Variants in GKAP1 observed in about 807,000 individuals in gnomAD.
GKAP1 encodes the protein G kinase-anchoring protein 1.
A neutral mutation model predicts 56.7 loss-of-function variants in GKAP1; 31 were observed. The ratio of observed to expected loss-of-function variants is 0.55; its 90% CI spans 0.41 to 0.74. The LOEUF (loss-of-function observed/expected upper bound fraction) is 0.74. Among genes scored for constraint, GKAP1 ranks in the 30% least tolerant of loss-of-function variants. GKAP1 has a pLI of 0.00. For synonymous variants in GKAP1, 151 were observed against 138.6 expected, an observed-to-expected ratio of 1.09 and a Z score of -0.63; for missense variants, 364 against 402.3, an observed-to-expected ratio of 0.90 and a Z score of 0.82.
At chr9:83,786,424 C>T (rs1242145442) in intron 5 of GKAP1, among the ~76,000 whole-genome samples, 1 of 151,958 alleles carries the variant, frequency 6.6e-6, no homozygotes, top group Non-Finnish European at 1.5e-5. Context: ...GCCTGTAATC[C>T]CAGCTACTCG....
rs1038159949 is a variant in GKAP1, at chr9:83,805,470, A to T, written c.216+832T>A. On this transcript the variant is annotated intron_variant, in intron 3 of 12. Coordinates refer to ENST00000376371, the MANE Select transcript of GKAP1 (RefSeq NM_025211.4). ...ACACCCAAGAATGATCAATAAAAAA[A>T]ATAAAAAATAAAAAAAAAACCATGT... 4.3e-4 allele frequency among the ~76,000 whole-genome samples: 55 copies of T among 129,022 alleles called. No individual in the cohort carries two copies. The East Asian group carries it at 0.01, about 24-fold the overall frequency. The allele number at this position is 129,022 out of a possible 152,430, so 84.6% of individuals were successfully genotyped here. A position where few individuals can be genotyped will look rare whatever the true frequency, so the allele number is the denominator to read the frequency against.
intron 7 of GKAP1, among the ~76,000 whole-genome samples, chr9:83,771,329 C>T (rs1201458210): frequency 6.6e-6 from 1 of 151,952 alleles, no homozygotes; most frequent in African/African-American, 2.4e-5. Flanking sequence ...GTGATCCACC[C>T]GCCTCAGCCT....
At chr9:83,739,993 C>T (rs543922857) in intron 12 of GKAP1, among the ~76,000 whole-genome samples, 3 of 151,982 alleles carry the variant, frequency 2.0e-5, no homozygotes, top group South Asian at 2.1e-4. Context: ...GTAAGCTCAC[C>T]GATATCTTAT....
intron 8 of GKAP1, among the ~76,000 whole-genome samples, chr9:83,767,791 A>G (rs1160025725): frequency 6.6e-6 from 1 of 152,090 alleles, no homozygotes; most frequent in African/African-American, 2.4e-5. Flanking sequence ...GGTTCAAGCA[A>G]TTCTCGTGTC....
At chr9:83,740,537 G>C (rs1943189748) in intron 12 of GKAP1, among the ~76,000 whole-genome samples, 1 of 152,092 alleles carries the variant, frequency 6.6e-6, no homozygotes, top group Admixed American at 6.5e-5. Context: ...CTTTATAATA[G>C]TTGTATGTAT....
At chr9:83,756,757 T>C (rs1943484653) in intron 8 of GKAP1, among the ~76,000 whole-genome samples, 1 of 152,176 alleles carries the variant, frequency 6.6e-6, no homozygotes, top group Non-Finnish European at 1.5e-5. Flanking sequence ...AGATCATGCA[T>C]TTTAAGTACT....
In GKAP1 at chr9:83,751,900, T is replaced by C. The variant is rs558536807; in HGVS notation, c.840+1358A>G. Among the ~76,000 whole-genome samples the C allele has an allele frequency of 5.9e-5, 9 of 152,260 alleles. No homozygotes were observed. In the South Asian group the frequency reaches 1.2e-3, roughly 21 times the overall value. On this transcript the variant is annotated intron_variant, in intron 9 of 12. Transcript: ENST00000376371. ...GGAATGTAAAATGACACAGGTGCCA[T>C]GGAAGTTTGGCAGTTCCTCGAAAAG... is the stretch of plus-strand genomic sequence containing the variant.
At chr9:83,744,682 G>A (rs1005749289) in intron 10 of GKAP1, among the ~76,000 whole-genome samples, 1 of 151,958 alleles carries the variant, frequency 6.6e-6, no homozygotes, top group South Asian at 2.1e-4. Context: ...AGTATTGTGG[G>A]GATTTTTTGT....
chr9:83,810,089 G>A (rs183387067), intron 2 of GKAP1, among the ~76,000 whole-genome samples: 16 of 152,308 alleles, frequency 1.1e-4, no homozygotes, highest in African/African-American at 3.6e-4. Flanking sequence ...TGGGATTACA[G>A]GCATGAGCCA....
At chr9:83,813,282 A>G (rs1044575685) in intron 2 of GKAP1, among the ~76,000 whole-genome samples, 13 of 152,260 alleles carry the variant, frequency 8.5e-5, no homozygotes, top group African/African-American at 3.1e-4. Flanking sequence ...AATGCAAATG[A>G]AAATACAATG....
intron 4 of GKAP1, among the ~76,000 whole-genome samples, chr9:83,792,616 A>G (rs1181764741): frequency 6.6e-6 from 1 of 152,190 alleles, no homozygotes; most frequent in African/African-American, 2.4e-5. Context: ...CAAGACTAAC[A>G]CATATCAGAA....
intron 4 of GKAP1, among the ~76,000 whole-genome samples, chr9:83,796,393 T>A (rs527700998): frequency 1.3e-5 from 2 of 152,344 alleles, no homozygotes; most frequent in Non-Finnish European, 1.5e-5. Context: ...CTTTCTTTAG[T>A]AGATACTCTG....
At chr9:83,814,638 C>T (rs1229400864) in intron 2 of GKAP1, among the ~76,000 whole-genome samples, 2 of 152,184 alleles carry the variant, frequency 1.3e-5, no homozygotes, top group Non-Finnish European at 2.9e-5. Context: ...ATTTATTGAA[C>T]TTAGTGTTTT....
At chr9:83,767,971 G>A (rs973140936) in intron 8 of GKAP1, among the ~76,000 whole-genome samples, 3 of 152,172 alleles carry the variant, frequency 2.0e-5, no homozygotes, top group African/African-American at 7.2e-5. Flanking sequence ...ACAGACGTGA[G>A]CTACCGTGCC....
chr9:83,806,156 C>A, intron 3 of GKAP1, 146 bp downstream of exon 3: 1 of 606,206 alleles, frequency 1.6e-6, no homozygotes, highest in Non-Finnish European at 2.9e-6. Context: ...TTTAAATATA[C>A]ACAAATTCAC....
chr9:83,766,972 C>T (rs1337980421), intron 8 of GKAP1, among the ~76,000 whole-genome samples: 1 of 152,086 alleles, frequency 6.6e-6, no homozygotes, highest in Non-Finnish European at 1.5e-5. Flanking sequence ...TTCATGGGGA[C>T]ATTAGTGAAA....
rs551650520 is a variant in GKAP1, at chr9:83,817,057, T to C, written c.-105A>G. 4.6e-5 allele frequency: 7 copies of C among 152,328 alleles called. No homozygotes were observed. The East Asian group carries it at 9.6e-4, about 21-fold the overall frequency. 9.4% of individuals were successfully genotyped at this position (152,328 alleles called of 1,614,324 possible). On this transcript the variant is annotated 5_prime_UTR_variant, in exon 2 of 13. Transcript: ENST00000376371. The stretch of plus-strand genomic sequence containing the variant: ...CTGTTAACCGATGCTCCGAAACTTA[T>C]TCGCAAAGTACATAGAGAAAGAAAT...
chr9:83,754,736 G>A (rs1274657887), intron 8 of GKAP1, among the ~76,000 whole-genome samples: 2 of 152,178 alleles, frequency 1.3e-5, no homozygotes, highest in African/African-American at 2.4e-5. Flanking sequence ...GGGCCTTGAA[G>A]GCCATAAGAA....
intron 4 of GKAP1, among the ~76,000 whole-genome samples, chr9:83,793,710 T>C (rs1264658620): frequency 2.6e-5 from 4 of 152,186 alleles, no homozygotes; most frequent in Non-Finnish European, 5.9e-5. Context: ...TTAACAGGAC[T>C]CCAATACAGT....
Sources: gnomAD v4.1 joint callset for allele counts (sites outside exome capture counted in the v4.1 genomes callset) on GRCh38, gnomAD v4.1.1 for gene constraint, MANE v1.5 for transcripts, NCBI Gene and HGNC (gene_info 2026-07-23, HGNC 2026-07-21) for gene names.